Variants in ATP11A observed in about 807,000 individuals in gnomAD.
The protein encoded by ATP11A is phospholipid-transporting ATPase IH.
In ATP11A, 81 loss-of-function variants were observed where a neutral mutation model predicts 154.4. That is an observed-to-expected ratio of 0.52 (90% CI 0.44 to 0.63). ATP11A has a LOEUF of 0.63. ATP11A is among the 30% of genes least tolerant of loss of function. The probability of loss-of-function intolerance (pLI) is 0.00; values close to 1 mark genes in which losing one functional copy is unlikely to be tolerated. For synonymous variants in ATP11A, 623 were observed against 585.9 expected (o/e 1.06, Z -0.91); for missense variants, 1,316 against 1,474.3 (o/e 0.89, Z 1.76).
Position 112,720,613 on chromosome 13 carries a change from A to G in ATP11A, c.39+30158A>G, listed in dbSNP as rs186937756. Among the ~76,000 whole-genome samples, 162 of 152,156 alleles carry G rather than the reference A, an allele frequency of 1.1e-3. 2 individuals are homozygous for G. Among genetic ancestry groups the G allele is most frequent in the African/African-American group, 3.5e-3 (146 of 41,474 alleles). ...TCGCTCTGTCGCCAGGCTGGAGTACAGTGGCATGATCTCAGCTCACTGCAA... is the reference window on the plus strand; with the variant it reads ...TCGCTCTGTCGCCAGGCTGGAGTACGGTGGCATGATCTCAGCTCACTGCAA... On this transcript the variant is annotated intron_variant, in intron 1 of 29. Coordinates refer to ENST00000375645, the MANE Select transcript of ATP11A (RefSeq NM_015205.3).
Position 112,824,399 on chromosome 13 carries a change from A to G in ATP11A, c.846A>G (p.Lys282=), listed in dbSNP as rs1191648757. 1.2e-5 allele frequency: 20 copies of G among 1,614,046 alleles called. No individual in the cohort carries two copies. Among genetic ancestry groups the G allele is most frequent in the African/African-American group, 4.0e-5 (3 of 74,924 alleles). The part of the protein sequence containing the change: ...ETKMALNYQS[K]SQKRSAVEKS... ...AGATGGCATTAAATTATCAATCAAA[A>G]TCTCAGAAGCGATCTGCCGTGGAAA... Residue 282 remains lysine, a synonymous_variant, in exon 10 of 30, where the codon AAA becomes AAG. Transcript: ENST00000375645.
intron 7 of ATP11A, 83 bp from the exon 8 acceptor site, chr13:112,819,817 C>A: frequency 6.8e-7 from 1 of 1,462,040 alleles, no homozygotes; most frequent in Admixed American, 1.7e-5. Flanking sequence ...ACGTGTGGCT[C>A]ACAGAAGGCA....
intron 1 of ATP11A, among the ~76,000 whole-genome samples, chr13:112,761,840 G>GC (rs2076971683): frequency 6.6e-6 from 1 of 152,308 alleles, no homozygotes; most frequent in Admixed American, 6.5e-5. Flanking sequence ...TTCTAGCTGT[G>GC]CTTTTAGAAA....
intron 1 of ATP11A, among the ~76,000 whole-genome samples, chr13:112,712,343 C>T (rs1887856637): frequency 6.6e-6 from 1 of 152,184 alleles, no homozygotes; most frequent in South Asian, 2.1e-4. Flanking sequence ...GGAGTCAGGG[C>T]TGGTTTTCTC....
chr13:112,855,011 C>T (rs1468366932), intron 19 of ATP11A, among the ~76,000 whole-genome samples: 1 of 152,152 alleles, frequency 6.6e-6, no homozygotes, highest in African/African-American at 2.4e-5. Context: ...TCGATGCTGT[C>T]CTTACTGGTG....
intron 18 of ATP11A, chr13:112,851,869 C>T (rs1244837080): frequency 1.3e-5 from 2 of 152,200 alleles, no homozygotes; most frequent in Non-Finnish European, 2.9e-5. Flanking sequence ...TGTTCCTAAA[C>T]TTGTTGCTAG....
intron 6 of ATP11A, among the ~76,000 whole-genome samples, 158 bp downstream of exon 6, chr13:112,816,369 C>T (rs1214633024): frequency 6.6e-6 from 1 of 152,176 alleles, no homozygotes; most frequent in Non-Finnish European, 1.5e-5. Flanking sequence ...CTTTTCCTTC[C>T]TCCTATTTTC....
chr13:112,785,131 G>T lies in ATP11A; in HGVS notation c.40-4G>T, dbSNP rs370459187. 9.4e-6 allele frequency: 14 copies of T among 1,487,552 alleles called. No homozygotes were observed. Among genetic ancestry groups the T allele is most frequent in the African/African-American group, 1.4e-5 (1 of 69,418 alleles). 92.1% of individuals were successfully genotyped at this position (1,487,552 alleles called of 1,614,324 possible). ...GCTGCCTAACACCGCTCTCCTTTCC[G>T]CAGTGTGCAGGAGAAGAGAATTGGG... On this transcript the variant is annotated splice_polypyrimidine_tract_variant and splice_region_variant and intron_variant, in intron 1 of 29. Transcript: ENST00000375645. This position sits in a 1 kb window ranked among gnomAD's most constrained non-coding sequence, Gnocchi z 4.8.
At chr13:112,866,491 C>T (rs962304167) in intron 25 of ATP11A, among the ~76,000 whole-genome samples, 7 of 151,226 alleles carry the variant, frequency 4.6e-5, no homozygotes, top group East Asian at 2.0e-4. Context: ...GTGGGAGGCC[C>T]GGTGGGGCCC....
At chr13:112,818,230 G>A (rs957114941) in intron 6 of ATP11A, among the ~76,000 whole-genome samples, 10 of 149,394 alleles carry the variant, frequency 6.7e-5, no homozygotes, top group African/African-American at 1.2e-4. Flanking sequence ...GCTTGGTGAC[G>A]GGGCGGTGAC....
At position 112,825,508 on chromosome 13, in the gene ATP11A, G is replaced by A; in HGVS notation, c.951G>A (p.Met317Ile). 1 of 1,613,980 alleles carries A rather than the reference G, an allele frequency of 6.2e-7. No homozygotes were observed. The highest frequency in any genetic ancestry group is 1.1e-5 in the South Asian group (1 of 91,064). The change falls in exon 11 of 30, where the codon ATG becomes ATA. Residue 317 changes from methionine to isoleucine, a missense_variant. By Grantham distance (10) the Met-to-Ile change is conservative. Coordinates refer to ENST00000375645, the MANE Select transcript of ATP11A (RefSeq NM_015205.3). ...TGATAAACACTGTGCTGAAATACATGTGGCAGAGTGAGCCCTTTCGGGATG... is the reference window on the plus strand; with the variant it reads ...TGATAAACACTGTGCTGAAATACATATGGCAGAGTGAGCCCTTTCGGGATG... Reference protein sequence around the residue: ...KALINTVLKYMWQSEPFRDEP... With the variant: ...KALINTVLKYIWQSEPFRDEP...
intron 1 of ATP11A, among the ~76,000 whole-genome samples, chr13:112,712,721 G>A (rs961346304): frequency 6.6e-6 from 1 of 152,222 alleles, no homozygotes; most frequent in Non-Finnish European, 1.5e-5. Flanking sequence ...ACCACAGTCG[G>A]TGAGGTGAGG....
At chr13:112,836,131 C>T (rs376736129) in intron 15 of ATP11A, 47 bp from the exon 16 acceptor site, 9 of 1,396,894 alleles carry the variant, frequency 6.4e-6, no homozygotes, top group East Asian at 2.3e-5. Context: ...GATGGAATCA[C>T]GTGAGCACCC....
At chr13:112,701,227 T>G (rs1886485086) in intron 1 of ATP11A, among the ~76,000 whole-genome samples, 1 of 152,232 alleles carries the variant, frequency 6.6e-6, no homozygotes, top group South Asian at 2.1e-4. Flanking sequence ...AGAGGAGAAC[T>G]CTGGGAGGTT....
Position 112,859,578 on chromosome 13 carries a change from G to A in ATP11A, c.2727+126G>A. 1 of 837,998 alleles carries A rather than the reference G, an allele frequency of 1.2e-6. No individual in the cohort carries two copies. The highest frequency in any genetic ancestry group is 1.8e-5 in the Admixed American group (1 of 55,314). 51.9% of individuals were successfully genotyped at this position (837,998 alleles called of 1,614,324 possible). A position where few individuals can be genotyped will look rare whatever the true frequency, so the allele number is the denominator to read the frequency against. On this transcript the variant is annotated intron_variant, in intron 23 of 29. Transcript: ENST00000375645. This position sits in a 1 kb window ranked among gnomAD's most constrained non-coding sequence, Gnocchi z 4.3. ...TCCCCGGCACCACGAGGGAGCCAGG[G>A]TGCCCAGCAGCAGGCGGGGGTGAAG...
rs1242389246 is a variant in ATP11A at position 112,886,553 on chromosome 13, T to G, written c.*4687T>G. 2.0e-5 allele frequency: 3 copies of G among 152,158 alleles called. No homozygotes were observed. Among genetic ancestry groups the G allele is most frequent in the Non-Finnish European group, 2.9e-5 (2 of 67,954 alleles). The allele number at this position is 152,158 out of a possible 1,614,324, so 9.4% of individuals were successfully genotyped here. ...AATGCAATCTTTTTTTTTTTTAAGC[T>G]AAAGGTGGGTGAACTGGAATGAAAA... On this transcript the variant is annotated 3_prime_UTR_variant, in exon 30 of 30. Coordinates refer to ENST00000375645, the MANE Select transcript of ATP11A (RefSeq NM_015205.3).
chr13:112,722,882 G>A (rs764334692), intron 1 of ATP11A, among the ~76,000 whole-genome samples: 9 of 151,778 alleles, frequency 5.9e-5, no homozygotes, highest in Non-Finnish European at 1.0e-4. Context: ...TGGCTCAGCC[G>A]GAAAGGCAGG....
chr13:112,736,488 A>G (rs1430102172), intron 1 of ATP11A, among the ~76,000 whole-genome samples: 3 of 152,336 alleles, frequency 2.0e-5, no homozygotes, highest in East Asian at 1.9e-4. Context: ...TTCACGTTCT[A>G]CAATATAAGG....
At chr13:112,748,747 A>C (rs534539821) in intron 1 of ATP11A, among the ~76,000 whole-genome samples, 1 of 152,300 alleles carries the variant, frequency 6.6e-6, no homozygotes, top group Non-Finnish European at 1.5e-5. Flanking sequence ...CTAGCCAGCT[A>C]CAGAGATAAT....
Sources: allele counts gnomAD v4.1 joint callset (sites outside exome capture counted in the v4.1 genomes callset), GRCh38; gene constraint gnomAD v4.1.1; non-coding constraint Gnocchi (gnomAD v3.1); transcripts MANE v1.5; gene names NCBI Gene and HGNC (gene_info 2026-07-23, HGNC 2026-07-21).